Variants in NFIA observed in about 807,000 individuals in gnomAD.
The protein encoded by NFIA is nuclear factor 1 A-type.
Under a neutral mutation model 62.8 loss-of-function variants are expected in NFIA, and 8 were observed. The ratio of observed to expected loss-of-function variants is 0.13; its 90% CI spans 0.07 to 0.23. NFIA has a LOEUF of 0.23. NFIA is among the 10% of genes least tolerant of loss of function. The probability of loss-of-function intolerance (pLI) is 1.00; values close to 1 mark genes in which losing one functional copy is unlikely to be tolerated. For missense variants in NFIA, 410 were observed against 642.1 expected, an observed-to-expected ratio of 0.64 and a Z score of 3.91; for synonymous variants, 235 against 238.1, an observed-to-expected ratio of 0.99 and a Z score of 0.12.
intron 9 of NFIA, among the ~76,000 whole-genome samples, chr1:61,422,535 GAAC>G (rs1666672572): frequency 6.6e-6 from 1 of 151,986 alleles, no homozygotes; most frequent in Admixed American, 6.6e-5. Context: ...CCTACCACAG[GAAC>G]AACAAAAACT....
At chr1:61,232,497 A>AAT (rs5774548) in intron 2 of NFIA, among the ~76,000 whole-genome samples, 20,098 of 152,190 alleles carry the variant, frequency 0.13, 1,415 homozygotes, top group East Asian at 0.16. Context: ...ACTAAATGCC[A>AAT]AAAATGTTTT....
chr1:61,407,953 A>G (rs761490128), intron 9 of NFIA, among the ~76,000 whole-genome samples: 3 of 152,164 alleles, frequency 2.0e-5, no homozygotes, highest in Non-Finnish European at 2.9e-5. Context: ...TAGTGAATAC[A>G]GGAGGGAAAG....
chr1:61,250,808 T>G (rs899626488), intron 2 of NFIA, among the ~76,000 whole-genome samples: 6 of 152,166 alleles, frequency 3.9e-5, no homozygotes, highest in African/African-American at 1.2e-4. Flanking sequence ...TATCAAGGAC[T>G]TTACTACAGG....
chr1:61,396,522 C>T (rs1665278010), intron 7 of NFIA, among the ~76,000 whole-genome samples: 1 of 152,180 alleles, frequency 6.6e-6, no homozygotes, highest in South Asian at 2.1e-4. Context: ...GCTGGGGTTA[C>T]AGGTGTGAGC....
intron 3 of NFIA, among the ~76,000 whole-genome samples, chr1:61,295,983 A>T (rs1469387657): frequency 1.3e-5 from 2 of 152,188 alleles, no homozygotes; most frequent in Non-Finnish European, 2.9e-5. Flanking sequence ...CTCCTCTCTT[A>T]GGGGGAACAT....
At chr1:61,301,619 T>A (rs1659500268) in intron 3 of NFIA, among the ~76,000 whole-genome samples, 1 of 152,222 alleles carries the variant, frequency 6.6e-6, no homozygotes, top group Non-Finnish European at 1.5e-5. Flanking sequence ...AAGTGCTTTT[T>A]AAAAATTCCT....
intron 2 of NFIA, among the ~76,000 whole-genome samples, chr1:61,221,981 G>A (rs943905778): frequency 6.6e-6 from 1 of 152,084 alleles, no homozygotes; most frequent in Admixed American, 6.5e-5. Context: ...AAAACTGAGC[G>A]TTTGGTCTTT....
intron 7 of NFIA, among the ~76,000 whole-genome samples, chr1:61,393,573 T>A (rs770896476): frequency 1.1e-4 from 16 of 152,042 alleles, no homozygotes; most frequent in Non-Finnish European, 2.1e-4. Context: ...AAATAACCCT[T>A]ATGTTTAAAA....
chr1:61,447,068 A>T (rs1000839796), intron 10 of NFIA, among the ~76,000 whole-genome samples: 1 of 152,128 alleles, frequency 6.6e-6, no homozygotes, highest in Non-Finnish European at 1.5e-5. Flanking sequence ...TTTTCATTTC[A>T]TAGCTCCCCA....
intron 5 of NFIA, among the ~76,000 whole-genome samples, chr1:61,353,778 C>G (rs760361881): frequency 5.3e-5 from 8 of 152,170 alleles, no homozygotes; most frequent in Non-Finnish European, 1.0e-4. Flanking sequence ...CATCATCTTT[C>G]ATGTTGTTTA....
In NFIA at chr1:61,459,265, T is replaced by TTTTG. The variant is rs149639190; in HGVS notation, c.*3965_*3968dup. On this transcript the variant is annotated 3_prime_UTR_variant, in exon 11 of 11. Coordinates refer to ENST00000403491, the MANE Select transcript of NFIA (RefSeq NM_001134673.4). ...GATGAGTCCCTCAAATTTCTGTGTT[T>TTTTG]TTTGTTTGTTTGTTTGTTTGTTTTT... is the stretch of plus-strand genomic sequence containing the variant. 16,932 of 152,078 alleles carry TTTTG rather than the reference T, an allele frequency of 0.11. 2,190 individuals are homozygous for TTTTG. The highest frequency in any genetic ancestry group is 0.32 in the African/African-American group (13,149 of 41,220). The allele number at this position is 152,078 out of a possible 1,614,324, so 9.4% of individuals were successfully genotyped here.
chr1:61,151,112 A>G (rs1367467618), intron 2 of NFIA, among the ~76,000 whole-genome samples: 1 of 152,218 alleles, frequency 6.6e-6, no homozygotes, highest in Non-Finnish European at 1.5e-5. Flanking sequence ...ATTGATAGCA[A>G]GAGCTTAAGG....
intron 6 of NFIA, among the ~76,000 whole-genome samples, chr1:61,365,993 G>A (rs758766037): frequency 1.3e-5 from 2 of 152,108 alleles, no homozygotes; most frequent in Non-Finnish European, 2.9e-5. Context: ...CTTAAAAGGT[G>A]GCAATTAAAC....
At position 61,432,618 on chromosome 1, in the gene NFIA, C is replaced by CGT. The variant is rs1553120938; in HGVS notation, c.1512+6062_1512+6063insGT. Among the ~76,000 whole-genome samples the CGT allele has an allele frequency of 4.6e-3, 693 of 150,662 alleles. 5 individuals are homozygous for CGT. Among genetic ancestry groups the CGT allele is most frequent in the African/African-American group, 0.016 (649 of 40,920 alleles). On this transcript the variant is annotated intron_variant, in intron 10 of 10. Transcript: ENST00000403491. ...GTATATATATATATATATACACACA[C>CGT]ACACACGTACACACATATATATACA...
intron 6 of NFIA, among the ~76,000 whole-genome samples, chr1:61,361,785 GTGTGT>G (rs1557732561): frequency 2.7e-4 from 1 of 3,758 alleles, no homozygotes; most frequent in African/African-American, 1.0e-3. Context: ...GGTAAGAGGT[GTGTGT>G]GTGTGTGTGT....
chr1:61,239,084 T>C (rs1445182880), intron 2 of NFIA, among the ~76,000 whole-genome samples: 2 of 152,246 alleles, frequency 1.3e-5, no homozygotes, highest in African/African-American at 2.4e-5. Flanking sequence ...AATCTTGCTG[T>C]AAGTTGTTAA....
At chr1:61,241,529 C>T (rs897146780) in intron 2 of NFIA, among the ~76,000 whole-genome samples, 2 of 151,970 alleles carry the variant, frequency 1.3e-5, no homozygotes, top group Non-Finnish European at 2.9e-5. Context: ...TGAGAGCTTG[C>T]CAAACAAATT....
chr1:61,119,428 AAG>A (rs1646850862), intron 2 of NFIA, among the ~76,000 whole-genome samples: 1 of 152,238 alleles, frequency 6.6e-6, no homozygotes, highest in Non-Finnish European at 1.5e-5. Context: ...ATTGTTTAGT[AAG>A]AGGAAATTTC....
At chr1:61,218,861 T>C (rs376736962) in intron 2 of NFIA, among the ~76,000 whole-genome samples, 1 of 152,224 alleles carries the variant, frequency 6.6e-6, no homozygotes, top group Non-Finnish European at 1.5e-5. Flanking sequence ...GACTGTGTAC[T>C]TATAGATCAT....
Sources: gnomAD v4.1 joint callset for allele counts (sites outside exome capture counted in the v4.1 genomes callset) on GRCh38, gnomAD v4.1.1 for gene constraint, MANE v1.5 for transcripts, NCBI Gene and HGNC (gene_info 2026-07-23, HGNC 2026-07-21) for gene names.